The following FOXK1 variants were observed in gnomAD, a reference collection of about 807,000 sequenced individuals.
FOXK1 encodes the protein forkhead box K1, also known as forkhead box protein K1.
FOXK1 carries 19 observed loss-of-function variants against 51.9 expected under a neutral mutation model. That is an observed-to-expected ratio of 0.37 (90% CI 0.26 to 0.54). The LOEUF is 0.54. Ranked by LOEUF, FOXK1 falls within the 20% of genes least tolerant of loss-of-function variation. The probability of loss-of-function intolerance (pLI) is 0.87; values close to 1 mark genes in which losing one functional copy is unlikely to be tolerated. For synonymous variants in FOXK1, 537 were observed against 482.6 expected (o/e 1.11, Z -1.48); for missense variants, 870 against 1,032.7 (o/e 0.84, Z 2.16).
In FOXK1 at chr7:4,756,859, C is replaced by A; in HGVS notation, c.1051-135C>A. 2.2e-6 allele frequency: 2 copies of A among 905,048 alleles called. No individual in the cohort carries two copies. Among genetic ancestry groups the A allele is most frequent in the Non-Finnish European group, 3.3e-6 (2 of 604,810 alleles). 56.1% of individuals were successfully genotyped at this position (905,048 alleles called of 1,614,324 possible). On this transcript the variant is annotated intron_variant, in intron 4 of 8. Transcript: ENST00000328914. The surrounding 1 kb of genome is among the most constrained non-coding windows in gnomAD (Gnocchi z 4.1). ...CGGTGCTGCTCCCGTGAGGCCCAGC[C>A]AGCACAGCACCAAGGGCTCTGCACA...
Position 4,728,938 on chromosome 7 carries a change from T to C in FOXK1, c.561-11900T>C, listed in dbSNP as rs182638165. On this transcript the variant is annotated intron_variant, in intron 1 of 8. Transcript: ENST00000328914. ...GCCAGTGAATAATGACTACGTGGAA[T>C]TACTGTGGACAGCATTTTGAGATCT... Among the ~76,000 whole-genome samples, 27 of 152,198 alleles carry C rather than the reference T, an allele frequency of 1.8e-4. No homozygotes were observed. The East Asian group carries it at 4.4e-3, about 25-fold the overall frequency.
intron 1 of FOXK1, among the ~76,000 whole-genome samples, chr7:4,692,158 A>G (rs1779901305): frequency 6.6e-6 from 1 of 152,170 alleles, no homozygotes; most frequent in African/African-American, 2.4e-5. Context: ...CCACCCCAAG[A>G]AAAGAATAAG....
In FOXK1 at chr7:4,686,975, G is replaced by A. The variant is rs28405484; in HGVS notation, c.560+4107G>A. On this transcript the variant is annotated intron_variant, in intron 1 of 8. Coordinates refer to ENST00000328914, the MANE Select transcript of FOXK1 (RefSeq NM_001037165.2). ...TGAGACAGAGTCTTGCTCTGTCACC[G>A]AGGCTGGAGTGCAGTGGCGCGAACT... Among the ~76,000 whole-genome samples the A allele has an allele frequency of 6.0e-5, 9 of 148,856 alleles. No homozygotes were observed. In the South Asian group the frequency reaches 6.3e-4, roughly 10 times the overall value.
In FOXK1 at chr7:4,682,295, G is replaced by A; in HGVS notation, c.-14G>A. Reference sequence around the variant, plus strand: ...CAGCCGCCGCCGCCGGAGGCCGCTCGGAGCCGCGCGAACATGGCCGAAGTC... The same window carrying A: ...CAGCCGCCGCCGCCGGAGGCCGCTCAGAGCCGCGCGAACATGGCCGAAGTC... On this transcript the variant is annotated 5_prime_UTR_variant, in exon 1 of 9. Transcript: ENST00000328914. The surrounding 1 kb of genome is among the most constrained non-coding windows in gnomAD (Gnocchi z 7.6). 6.1e-6 allele frequency: 6 copies of A among 985,694 alleles called. No homozygotes were observed. The highest frequency in any genetic ancestry group is 7.2e-6 in the Non-Finnish European group (6 of 832,402). The allele number at this position is 985,694 out of a possible 1,614,324, so 61.1% of individuals were successfully genotyped here.
rs779670271 is a variant in FOXK1, at chr7:4,756,047, A to G, written c.1050+664A>G. ...GCTTTGTCCACACCAGCCATGACTGATGCATGTTGCATTTGCCTGTATTTT... is the reference window on the plus strand; with the variant it reads ...GCTTTGTCCACACCAGCCATGACTGGTGCATGTTGCATTTGCCTGTATTTT... On this transcript the variant is annotated intron_variant, in intron 4 of 8. Transcript: ENST00000328914. This position sits in a 1 kb window ranked among gnomAD's most constrained non-coding sequence, Gnocchi z 4.1. Among the ~76,000 whole-genome samples the G allele has an allele frequency of 6.6e-6, 1 of 152,192 alleles. No individual in the cohort carries two copies. Among genetic ancestry groups the G allele is most frequent in the Non-Finnish European group, 1.5e-5 (1 of 68,036 alleles).
At chr7:4,752,795 T>C (rs1780796741) in intron 2 of FOXK1, among the ~76,000 whole-genome samples, 1 of 152,184 alleles carries the variant, frequency 6.6e-6, no homozygotes, top group Non-Finnish European at 1.5e-5. Flanking sequence ...CTGGCCCCAT[T>C]GTCTGCAGCC....
intron 1 of FOXK1, among the ~76,000 whole-genome samples, chr7:4,713,580 C>G (rs1301936944): frequency 6.6e-6 from 1 of 152,022 alleles, no homozygotes; most frequent in South Asian, 2.1e-4. Flanking sequence ...CAACCTCCCC[C>G]TCCTGGGTGC....
At chr7:4,726,293 C>T (rs192917429) in intron 1 of FOXK1, among the ~76,000 whole-genome samples, 58 of 152,156 alleles carry the variant, frequency 3.8e-4, no homozygotes, top group Non-Finnish European at 7.4e-5. Context: ...TGGAGCTGGC[C>T]GCGGCAGGAC....
In FOXK1 at chr7:4,762,718, C is replaced by A; in HGVS notation, c.*254C>A. 2.0e-6 allele frequency: 1 copy of A among 496,684 alleles called. No homozygotes were observed. The highest frequency in any genetic ancestry group is 3.7e-6 in the Non-Finnish European group (1 of 273,362). The allele number at this position is 496,684 out of a possible 1,614,324, so 30.8% of individuals were successfully genotyped here. ...ATTCTTTGCTTTCCTTTCCTTCTCC[C>A]TCGGCACCACCTCCTCTCCCCAGGC... On this transcript the variant is annotated 3_prime_UTR_variant, in exon 9 of 9. Coordinates refer to ENST00000328914, the MANE Select transcript of FOXK1 (RefSeq NM_001037165.2). This position sits in a 1 kb window ranked among gnomAD's most constrained non-coding sequence, Gnocchi z 5.7.
In FOXK1 at chr7:4,740,906, C is replaced by T; in HGVS notation, c.629C>T (p.Ala210Val). 1 of 1,588,592 alleles carries T rather than the reference C, an allele frequency of 6.3e-7. No homozygotes were observed. Among genetic ancestry groups the T allele is most frequent in the Middle Eastern group, 1.7e-4 (1 of 6,000 alleles). ...QFTSLYHKEE[A>V]PASPLRPLYP... ...ACGTCGCTCTATCACAAAGAAGAGG[C>T]CCCAGCCTCCCCGCTGCGGCCACTG... is the stretch of plus-strand genomic sequence containing the variant. The change falls in exon 2 of 9, where the codon GCC (alanine) becomes GTC (valine). Residue 210 changes from alanine to valine, a missense_variant. Physicochemically the swap from Ala to Val is moderately conservative, Grantham distance 64. This residue lies in a region of FOXK1 where 399 missense variants were observed against 475.6 expected (regional missense o/e 0.84). Transcript: ENST00000328914.
chr7:4,682,532 C>G lies in FOXK1; in HGVS notation c.224C>G (p.Ser75Cys), dbSNP rs1389797502. 8.0e-6 allele frequency: 9 copies of G among 1,125,926 alleles called. No homozygotes were observed. The African/African-American group carries it at 1.5e-4, about 19-fold the overall frequency. 69.7% of individuals were successfully genotyped at this position (1,125,926 alleles called of 1,614,324 possible). A position where few individuals can be genotyped will look rare whatever the true frequency, so the allele number is the denominator to read the frequency against. Residue 75 changes from serine (S) to cysteine (C), a missense_variant, in exon 1 of 9, where the codon TCC (serine) becomes TGC (cysteine). This residue lies in a region of FOXK1 where 399 missense variants were observed against 475.6 expected (regional missense o/e 0.84). Transcript: ENST00000328914. The surrounding 1 kb of genome is among the most constrained non-coding windows in gnomAD (Gnocchi z 7.6). ...IAGAGSSGGS[S>C]GVSGDSAVAG... The stretch of plus-strand genomic sequence containing the variant: ...GGCGCGGGCTCCTCCGGGGGCTCCT[C>G]CGGGGTATCCGGGGACTCCGCGGTC...
intron 1 of FOXK1, among the ~76,000 whole-genome samples, chr7:4,686,251 T>G (rs932164300): frequency 3.9e-5 from 6 of 152,188 alleles, no homozygotes; most frequent in Admixed American, 1.3e-4. Context: ...GTCTATGTTG[T>G]GTTGGTGCCC....
intron 2 of FOXK1, among the ~76,000 whole-genome samples, chr7:4,744,789 G>A (rs981286464): frequency 1.3e-5 from 2 of 152,206 alleles, no homozygotes; most frequent in Admixed American, 6.5e-5. Context: ...CCCTCCTTCC[G>A]CCCAGTCCTG....
rs1192345481 is a variant in FOXK1 at position 4,731,550 on chromosome 7, A to G, written c.561-9288A>G. ...CAAAGCGGGTGCATCACCTGAGGTCAGGAGTTCAAGACCAGCCTGGCCAAC... is the reference window on the plus strand; with the variant it reads ...CAAAGCGGGTGCATCACCTGAGGTCGGGAGTTCAAGACCAGCCTGGCCAAC... On this transcript the variant is annotated intron_variant, in intron 1 of 8. Transcript: ENST00000328914. The surrounding 1 kb of genome is among the most constrained non-coding windows in gnomAD (Gnocchi z 5.3). Among the ~76,000 whole-genome samples, 13 of 152,170 alleles carry G rather than the reference A, an allele frequency of 8.5e-5. No individual in the cohort carries two copies. Among genetic ancestry groups the G allele is most frequent in the Admixed American group, 7.9e-4 (12 of 15,274 alleles).
intron 2 of FOXK1, among the ~76,000 whole-genome samples, chr7:4,750,546 C>G (rs1583208938): frequency 6.6e-6 from 1 of 151,680 alleles, no homozygotes; most frequent in African/African-American, 2.4e-5. Context: ...AGGTTCACGC[C>G]ATTCTCCTGC....
chr7:4,754,783 GT>G lies in FOXK1; in HGVS notation c.903+172del, dbSNP rs575583305. On this transcript the variant is annotated intron_variant, in intron 3 of 8. Transcript: ENST00000328914. ...GCGGTAGAGCCGTCGGCCCTTTCTC[GT>G]TTTCGTGCCCAAATCATCCCCGTTG... The G allele has an allele frequency of 3.8e-3, 3,253 of 865,096 alleles. 9 individuals are homozygous for G. Among genetic ancestry groups the G allele is most frequent in the Non-Finnish European group, 5.1e-3 (2,930 of 578,502 alleles). 53.6% of individuals were successfully genotyped at this position (865,096 alleles called of 1,614,324 possible).
rs751489417 is a variant in FOXK1 at position 4,711,488 on chromosome 7, G to T, written c.560+28620G>T. ...GTGACTTTCTCAGTGGCCCTCAGAC[G>T]TCTTGGCAAGTGAAGAGTGTGAAGA... is the stretch of plus-strand genomic sequence containing the variant. On this transcript the variant is annotated intron_variant, in intron 1 of 8. Coordinates refer to ENST00000328914, the MANE Select transcript of FOXK1 (RefSeq NM_001037165.2). The surrounding 1 kb of genome is among the most constrained non-coding windows in gnomAD (Gnocchi z 6.3). Among the ~76,000 whole-genome samples, 1 of 152,160 alleles carries T rather than the reference G, an allele frequency of 6.6e-6. No individual in the cohort carries two copies. Among genetic ancestry groups the T allele is most frequent in the East Asian group, 1.9e-4 (1 of 5,190 alleles).
intron 1 of FOXK1, among the ~76,000 whole-genome samples, chr7:4,705,976 A>ATATATACGTG (rs1780088991): frequency 9.3e-6 from 1 of 107,542 alleles, no homozygotes; most frequent in African/African-American, 5.9e-5. Context: ...ATATATACGT[A>ATATATACGTG]TATATACGTA....
chr7:4,682,587 G>A lies in FOXK1; in HGVS notation c.279G>A (p.Ala93=). The A allele has an allele frequency of 3.2e-6, 4 of 1,259,002 alleles. No homozygotes were observed. Among genetic ancestry groups the A allele is most frequent in the Non-Finnish European group, 4.0e-6 (4 of 1,004,254 alleles). The allele number at this position is 1,259,002 out of a possible 1,614,324, so 78.0% of individuals were successfully genotyped here. A position where few individuals can be genotyped will look rare whatever the true frequency, so the allele number is the denominator to read the frequency against. The change falls in exon 1 of 9, where the codon GCG becomes GCA. Residue 93 remains alanine, a synonymous_variant. Coordinates refer to ENST00000328914, the MANE Select transcript of FOXK1 (RefSeq NM_001037165.2). This position sits in a 1 kb window ranked among gnomAD's most constrained non-coding sequence, Gnocchi z 7.6. The part of the protein sequence containing the change: ...VAGAAPALVA[A]AAASVRQSPG... ...GCGCGGCGCCGGCCCTGGTGGCCGC[G>A]GCGGCCGCCTCGGTACGGCAGAGCC...
Sources: gnomAD v4.1 joint callset for allele counts (sites outside exome capture counted in the v4.1 genomes callset) on GRCh38, gnomAD v4.1.1 for gene constraint, gnomAD v4.1.1 regional missense constraint, Gnocchi (gnomAD v3.1) non-coding constraint, MANE v1.5 for transcripts, NCBI Gene and HGNC (gene_info 2026-07-23, HGNC 2026-07-21) for gene names.